FRS3: variants seen among roughly 807,000 people sequenced by gnomAD.
FRS3 encodes the protein FGFR substrate 3.
A neutral mutation model predicts 41.9 loss-of-function variants in FRS3; 17 were observed. The observed-to-expected ratio is 0.41, with a 90% CI of 0.28 to 0.61. FRS3 has a LOEUF of 0.61. Among genes scored for constraint, FRS3 ranks in the 20% least tolerant of loss-of-function variants. The pLI, the probability that FRS3 is intolerant of heterozygous loss-of-function variation, is 0.36. For synonymous variants in FRS3, 287 were observed against 274.5 expected (o/e 1.05, Z -0.45); for missense variants, 619 against 672.1 (o/e 0.92, Z 0.87).
chr6:41,777,142 C>T (rs576938860), intron 2 of FRS3, 132 bp from the exon 3 acceptor site: 1 of 641,232 alleles, frequency 1.6e-6, no homozygotes, highest in Non-Finnish European at 2.8e-6. Context: ...CAGACCCCCC[C>T]TCAAAGACTT....
rs376991946 is a variant in FRS3, at chr6:41,770,703, G to A, written c.1395C>T (p.Ala465=). 2.5e-5 allele frequency: 40 copies of A among 1,614,090 alleles called. No homozygotes were observed. In the African/African-American group the frequency reaches 5.1e-4, roughly 20 times the overall value. Residue 465 remains alanine (A), a synonymous_variant, in exon 7 of 7, where the codon GCC becomes GCT. Transcript: ENST00000373018. ...YAVIDLKKTV[A]MSNLQRALPR... is the part of the protein sequence containing the mutation. ...GCAGAGCTCTCTGCAGGTTGGACAT[G>A]GCCACGGTCTTTTTGAGGTCAATCA... is the stretch of plus-strand genomic sequence containing the variant.
intron 5 of FRS3, among the ~76,000 whole-genome samples, chr6:41,772,324 C>T (rs1190385612): frequency 1.3e-5 from 2 of 152,196 alleles, no homozygotes; most frequent in African/African-American, 4.8e-5. Context: ...GCTTCTATTT[C>T]TCCTGTCCCC....
At chr6:41,778,911 C>G (rs889959798) in intron 1 of FRS3, among the ~76,000 whole-genome samples, 7 of 152,196 alleles carry the variant, frequency 4.6e-5, no homozygotes, top group Non-Finnish European at 8.8e-5. Flanking sequence ...CAGGACTCTG[C>G]AGACCCTGGA....
intron 4 of FRS3, among the ~76,000 whole-genome samples, chr6:41,774,428 C>A (rs1156465390): frequency 6.6e-6 from 1 of 152,188 alleles, no homozygotes; most frequent in Non-Finnish European, 1.5e-5. Flanking sequence ...AAAGCAAATG[C>A]CTACTGTATA....
chr6:41,771,795 G>C, intron 6 of FRS3, 21 bp downstream of exon 6: 2 of 1,548,230 alleles, frequency 1.3e-6, no homozygotes, highest in Non-Finnish European at 1.7e-6. Context: ...CAGGGCAGGG[G>C]CTGGCCGGCT....
chr6:41,776,850 C>T, intron 3 of FRS3, 72 bp downstream of exon 3: 1 of 1,221,378 alleles, frequency 8.2e-7, no homozygotes, highest in Non-Finnish European at 1.2e-6. Context: ...GAAGCTGAGG[C>T]AACTCCATTA....
At chr6:41,776,299 TCACC>T (rs1772409589) in intron 3 of FRS3, 2 of 152,446 alleles carry the variant, frequency 1.3e-5, no homozygotes, top group East Asian at 3.8e-4. Context: ...TCTCGCTCTG[TCACC>T]CAGGCTGAAG....
chr6:41,772,745 C>CGTGTGT (rs70987534), intron 5 of FRS3, 53 bp downstream of exon 5: 76,790 of 1,150,272 alleles, frequency 0.067, 1,009 homozygotes, highest in African/African-American at 0.1. Flanking sequence ...GCTTCCTGGG[C>CGTGTGT]GTGTGTGTGT....
chr6:41,774,709 C>T (rs987606364), intron 4 of FRS3, among the ~76,000 whole-genome samples: 1 of 152,058 alleles, frequency 6.6e-6, no homozygotes. Context: ...GGGGAGGCTA[C>T]GTGGGGTGTG....
intron 5 of FRS3, 39 bp from the exon 6 acceptor site, chr6:41,772,003 A>C: frequency 6.8e-7 from 1 of 1,478,448 alleles, no homozygotes; most frequent in Non-Finnish European, 9.0e-7. Flanking sequence ...AGGGGAACTT[A>C]AGCCACCTGA....
In FRS3 at chr6:41,770,647, C is replaced by T. The variant is rs745577374; in HGVS notation, c.1451G>A (p.Arg484Gln). Residue 484 changes from arginine (R) to glutamine (Q), a missense_variant, in exon 7 of 7, where the codon CGG (arginine) becomes CAG (glutamine). Transcript: ENST00000373018. ...CAGAGGCAGGTCGGTGCTGTTGTGC[C>T]GGGTTTTCCTGGCGGTGCCATCGTC... is the stretch of plus-strand genomic sequence containing the variant. ...PRDDGTARKT[R>Q]HNSTDLPL is the part of the protein sequence containing the mutation. The T allele has an allele frequency of 1.9e-6, 3 of 1,614,098 alleles. No individual in the cohort carries two copies. The highest frequency in any genetic ancestry group is 3.3e-5 in the Admixed American group (2 of 60,022).
chr6:41,771,067 C>T lies in FRS3; in HGVS notation c.1031G>A (p.Gly344Glu). The T allele has an allele frequency of 6.2e-7, 1 of 1,603,946 alleles. No homozygotes were observed. The highest frequency in any genetic ancestry group is 8.5e-7 in the Non-Finnish European group (1 of 1,173,010). ...SQAQQLGGEA[G>E]DDGDSRDGLT... ...CCCATCCCTCGAGTCCCCATCATCC[C>T]CAGCCTCCCCTCCCAGCTGCTGGGC... The change falls in exon 7 of 7, where the codon GGG becomes GAG. Residue 344 changes from glycine (G) to glutamate (E), a missense_variant. Physicochemically the swap from Gly to Glu is moderately conservative, Grantham distance 98 (BLOSUM62 -2). Coordinates refer to ENST00000373018, the MANE Select transcript of FRS3 (RefSeq NM_006653.5).
intron 2 of FRS3, among the ~76,000 whole-genome samples, chr6:41,777,268 T>C (rs547056134): frequency 9.2e-5 from 14 of 152,210 alleles, no homozygotes; most frequent in Non-Finnish European, 1.8e-4. Flanking sequence ...TAACATTTGA[T>C]CTGGACCTTG....
At position 41,771,437 on chromosome 6, in the gene FRS3, G is replaced by A; in HGVS notation, c.661C>T (p.Pro221Ser). The A allele has an allele frequency of 2.5e-6, 4 of 1,611,710 alleles. No homozygotes were observed. The highest frequency in any genetic ancestry group is 3.4e-6 in the Non-Finnish European group (4 of 1,178,716). Residue 221 changes from proline (P) to serine (S), a missense_variant, in exon 7 of 7, where the codon CCG becomes TCG. By Grantham distance (74) the Pro-to-Ser change is moderately conservative. Around this residue, in one of 3 missense-constraint regions of FRS3, gnomAD observed 487 missense variants for 478.3 expected, o/e 1.02. Coordinates refer to ENST00000373018, the MANE Select transcript of FRS3 (RefSeq NM_006653.5). ...CGTTGGTCAGGTCCCCGGGCCTGCG[G>A]GAGGAAGGGTGCCTGACCCTCAGGC... is the stretch of plus-strand genomic sequence containing the variant. ...PLPEGQAPFL[P>S]QARGPDQRDP...
In FRS3 at chr6:41,771,466, G is replaced by C; in HGVS notation, c.632C>G (p.Pro211Arg). 6.2e-7 allele frequency: 1 copy of C among 1,600,942 alleles called. No individual in the cohort carries two copies. Among genetic ancestry groups the C allele is most frequent in the East Asian group, 2.2e-5 (1 of 44,590 alleles). Residue 211 changes from proline to arginine, a missense_variant, in exon 7 of 7, where the codon CCC (proline) becomes CGC (arginine). Around this residue, in one of 3 missense-constraint regions of FRS3, gnomAD observed 487 missense variants for 478.3 expected, o/e 1.02. Transcript: ENST00000373018. ...DHRRGRHCLQ[P>R]LPEGQAPFLP... ...GAAGGGTGCCTGACCCTCAGGCAGG[G>C]GCTGCAGGCAGTGGCGGCCCCTGCG...
chr6:41,772,065 C>T (rs1471663479), intron 5 of FRS3, 101 bp from the exon 6 acceptor site: 2 of 940,546 alleles, frequency 2.1e-6, no homozygotes, highest in Admixed American at 2.9e-5. Context: ...TAATGGAGGA[C>T]AGATGTTCTC....
chr6:41,772,870 C>T lies in FRS3; in HGVS notation c.343G>A (p.Glu115Lys), dbSNP rs773053137. The change falls in exon 5 of 7, where the codon GAG (glutamate) becomes AAG (lysine). Residue 115 changes from glutamate (E) to lysine (K), a missense_variant. Glu to Lys is a moderately conservative substitution (Grantham distance 56). Coordinates refer to ENST00000373018, the MANE Select transcript of FRS3 (RefSeq NM_006653.5). ...MQCNSINVMEEPVIITRNSHP... is the reference protein window; with the variant it reads ...MQCNSINVMEKPVIITRNSHP... ...CTATTGCGGGTGATGATGACAGGCTCTTCCATCACATTGATGCTGTTGCAC... is the reference window on the plus strand; with the variant it reads ...CTATTGCGGGTGATGATGACAGGCTTTTCCATCACATTGATGCTGTTGCAC... 59 of 1,613,728 alleles carry T rather than the reference C, an allele frequency of 3.7e-5. No homozygotes were observed. Among genetic ancestry groups the T allele is most frequent in the Non-Finnish European group, 8.5e-7 (1 of 1,179,942 alleles).
chr6:41,771,339 C>T lies in FRS3; in HGVS notation c.759G>A (p.Met253Ile), dbSNP rs1457695493. Residue 253 changes from methionine (M) to isoleucine (I), a missense_variant, in exon 7 of 7, where the codon ATG (methionine) becomes ATA (isoleucine). Met to Ile is a conservative substitution (Grantham distance 10). Around this residue, in one of 3 missense-constraint regions of FRS3, gnomAD observed 487 missense variants for 478.3 expected, o/e 1.02. Transcript: ENST00000373018. ...VLGPTPARRH[M>I]VKCQGLCPSL... is the part of the protein sequence containing the mutation. The stretch of plus-strand genomic sequence containing the variant: ...TGGGACAGAGGCCCTGGCACTTCAC[C>T]ATGTGCCGCCGAGCAGGGGTCGGGC... The T allele has an allele frequency of 6.2e-7, 1 of 1,613,420 alleles. No individual in the cohort carries two copies. The highest frequency in any genetic ancestry group is 8.5e-7 in the Non-Finnish European group (1 of 1,179,766).
rs1315302206 is a variant in FRS3 at position 41,779,894 on chromosome 6, C to G, written c.-246G>C. 1 of 149,932 alleles carries G rather than the reference C, an allele frequency of 6.7e-6. No homozygotes were observed. The highest frequency in any genetic ancestry group is 2.0e-4 in the East Asian group (1 of 5,068). 9.3% of individuals were successfully genotyped at this position (149,932 alleles called of 1,614,324 possible). On this transcript the variant is annotated 5_prime_UTR_variant, in exon 1 of 7. Transcript: ENST00000373018. ...AGCCGCCGCCCGCCCGGAGCTAAGG[C>G]CTCCCCGCCCCGCCCCGCCCCGCGG...
Sources: gnomAD v4.1 joint callset for allele counts (sites outside exome capture counted in the v4.1 genomes callset) on GRCh38, gnomAD v4.1.1 for gene constraint, gnomAD v4.1.1 regional missense constraint, MANE v1.5 for transcripts, NCBI Gene and HGNC (gene_info 2026-07-23, HGNC 2026-07-21) for gene names.